The following NKAIN2 variants were observed in gnomAD, a reference collection of about 807,000 sequenced individuals.
NKAIN2 encodes sodium/potassium-transporting ATPase subunit beta-1-interacting protein 2.
Under a neutral mutation model 32.6 loss-of-function variants are expected in NKAIN2, and 14 were observed. That is an observed-to-expected ratio of 0.43 (90% confidence interval 0.28 to 0.67). The LOEUF (loss-of-function observed/expected upper bound fraction) is 0.67, where lower values mean the gene tolerates loss of function less well. NKAIN2 is among the 30% of genes least tolerant of loss of function. The pLI, the probability that NKAIN2 is intolerant of heterozygous loss-of-function variation, is 0.17. For missense variants in NKAIN2, 198 were observed against 258.3 expected, an observed-to-expected ratio of 0.77 and a Z score of 1.60; for synonymous variants, 80 against 87.2, an observed-to-expected ratio of 0.92 and a Z score of 0.46.
At chr6:124,230,064 GA>G (rs1369228241) in intron 1 of NKAIN2, among the ~76,000 whole-genome samples, 2 of 152,102 alleles carry the variant, frequency 1.3e-5, no homozygotes, top group African/African-American at 4.8e-5. Context: ...GAAACTTATT[GA>G]ATGGCTTTGA....
intron 3 of NKAIN2, among the ~76,000 whole-genome samples, chr6:124,374,320 G>A (rs917853738): frequency 4.0e-5 from 6 of 151,812 alleles, no homozygotes; most frequent in African/African-American, 1.5e-4. Flanking sequence ...AAAAAAAAAT[G>A]GAAAAGTGTA....
chr6:124,508,644 T>G (rs1259516787), intron 3 of NKAIN2, among the ~76,000 whole-genome samples: 1 of 152,082 alleles, frequency 6.6e-6, no homozygotes, highest in African/African-American at 2.4e-5. Context: ...CGCCTGGCCA[T>G]GAGCTTGTAT....
At chr6:124,079,991 G>C (rs566771585) in intron 1 of NKAIN2, among the ~76,000 whole-genome samples, 36 of 152,132 alleles carry the variant, frequency 2.4e-4, no homozygotes, top group African/African-American at 6.5e-4. Context: ...TGGTGGGTGG[G>C]AGGAAGTAGA....
At chr6:124,040,797 A>G (rs1044669874) in intron 1 of NKAIN2, among the ~76,000 whole-genome samples, 5 of 152,092 alleles carry the variant, frequency 3.3e-5, no homozygotes, top group African/African-American at 7.2e-5. Context: ...CAGTCTTCCC[A>G]TATATAAAAA....
intron 1 of NKAIN2, among the ~76,000 whole-genome samples, chr6:123,834,951 T>G (rs1327275891): frequency 6.6e-6 from 1 of 152,150 alleles, no homozygotes; most frequent in African/African-American, 2.4e-5. Context: ...TTTTTATACG[T>G]TGTTGGATTT....
At chr6:124,776,650 C>T (rs1343749593) in intron 4 of NKAIN2, among the ~76,000 whole-genome samples, 1 of 152,148 alleles carries the variant, frequency 6.6e-6, no homozygotes, top group African/African-American at 2.4e-5. Flanking sequence ...TGTATTCATC[C>T]ACACTTCCAC....
intron 1 of NKAIN2, among the ~76,000 whole-genome samples, chr6:123,916,436 G>C (rs77631071): frequency 0.046 from 6,946 of 151,838 alleles, 359 homozygotes; most frequent in East Asian, 0.12. Flanking sequence ...AATTTTTTTT[G>C]TATTTTTAGT....
chr6:124,538,222 C>A (rs1310645320), intron 3 of NKAIN2, among the ~76,000 whole-genome samples: 1 of 151,734 alleles, frequency 6.6e-6, no homozygotes, highest in Non-Finnish European at 1.5e-5. Flanking sequence ...GTAAATTCAC[C>A]TTTTAATTTA....
chr6:124,786,294 T>C (rs1418002717), intron 4 of NKAIN2, among the ~76,000 whole-genome samples: 1 of 152,116 alleles, frequency 6.6e-6, no homozygotes, highest in African/African-American at 2.4e-5. Flanking sequence ...GTAATTGTTA[T>C]ATATATAATG....
At chr6:124,007,502 G>A (rs1428720366) in intron 1 of NKAIN2, among the ~76,000 whole-genome samples, 3 of 152,130 alleles carry the variant, frequency 2.0e-5, no homozygotes, top group Admixed American at 6.6e-5. Flanking sequence ...TCATAGCTCA[G>A]GGATGGCTAA....
intron 1 of NKAIN2, among the ~76,000 whole-genome samples, chr6:124,243,812 G>A (rs1228491430): frequency 1.3e-5 from 2 of 152,040 alleles, no homozygotes; most frequent in African/African-American, 2.4e-5. Context: ...TATAGTAGAT[G>A]TTGTCCACAA....
At chr6:124,701,153 G>GCGCACACACA (rs1554253913) in intron 4 of NKAIN2, among the ~76,000 whole-genome samples, 2 of 132,114 alleles carry the variant, frequency 1.5e-5, no homozygotes, top group African/African-American at 5.4e-5. Flanking sequence ...ACACACACAC[G>GCGCACACACA]CACACACACA....
At chr6:124,148,294 G>T (rs1027771130) in intron 1 of NKAIN2, among the ~76,000 whole-genome samples, 4 of 54,086 alleles carry the variant, frequency 7.4e-5, no homozygotes, top group Admixed American at 1.7e-4. Flanking sequence ...TTAACTTATA[G>T]AATTTGGTGG....
chr6:124,544,895 G>A (rs956248985), intron 3 of NKAIN2, among the ~76,000 whole-genome samples: 1 of 152,116 alleles, frequency 6.6e-6, no homozygotes, highest in East Asian at 1.9e-4. Flanking sequence ...ATCTCTAGAT[G>A]AAGGTAAATA....
chr6:124,478,270 G>C (rs1777308959), intron 3 of NKAIN2, among the ~76,000 whole-genome samples: 2 of 152,182 alleles, frequency 1.3e-5, no homozygotes. Flanking sequence ...TGTCAGGTCA[G>C]AAAACAATGC....
At chr6:124,066,565 TTAGTC>T (rs1417716474) in intron 1 of NKAIN2, among the ~76,000 whole-genome samples, 3 of 152,170 alleles carry the variant, frequency 2.0e-5, no homozygotes, top group South Asian at 4.1e-4. Flanking sequence ...GAATTAGAAT[TTAGTC>T]TTTAAAAATA....
At chr6:124,687,234 G>T (rs895454376) in intron 4 of NKAIN2, among the ~76,000 whole-genome samples, 17 of 143,302 alleles carry the variant, frequency 1.2e-4, no homozygotes, top group Non-Finnish European at 1.4e-4. Flanking sequence ...AATATATATA[G>T]AGAGAATATA....
At chr6:124,200,185 C>T (rs1294814765) in intron 1 of NKAIN2, among the ~76,000 whole-genome samples, 1 of 152,160 alleles carries the variant, frequency 6.6e-6, no homozygotes, top group Non-Finnish European at 1.5e-5. Flanking sequence ...TGAACACTCA[C>T]TGCCTCCTTA....
chr6:124,030,090 A>G (rs377485878), intron 1 of NKAIN2, among the ~76,000 whole-genome samples: 1 of 151,954 alleles, frequency 6.6e-6, no homozygotes, highest in Non-Finnish European at 1.5e-5. Context: ...CAAAAAAACA[A>G]TCTAATGCCT....
Sources: gnomAD v4.1 joint callset for allele counts (sites outside exome capture counted in the v4.1 genomes callset) on GRCh38, gnomAD v4.1.1 for gene constraint, MANE v1.5 for transcripts, NCBI Gene and HGNC (gene_info 2026-07-23, HGNC 2026-07-21) for gene names.